Variants in TEC observed in about 807,000 individuals in gnomAD.
The protein encoded by TEC is tec protein tyrosine kinase.
A neutral mutation model predicts 93.0 loss-of-function variants in TEC; 72 were observed. That is an observed-to-expected ratio of 0.77 (90% confidence interval 0.64 to 0.94). The LOEUF is 0.94. Among genes scored for constraint, TEC ranks in the 40% least tolerant of loss-of-function variants. The probability of loss-of-function intolerance (pLI) is 0.00; values close to 1 mark genes in which losing one functional copy is unlikely to be tolerated. For missense variants in TEC, 630 were observed against 757.9 expected (o/e 0.83, Z 1.98); for synonymous variants, 249 against 247.7 (o/e 1.01, Z -0.05).
intron 2 of TEC, among the ~76,000 whole-genome samples, chr4:48,199,812 TA>T (rs1243079491): frequency 4.6e-5 from 7 of 152,090 alleles, no homozygotes; most frequent in African/African-American, 1.7e-4. Flanking sequence ...ACCATGGCAA[TA>T]TTACTAACTT....
rs903817337 is a variant in TEC, at chr4:48,136,431, C to T, written c.*985G>A. On this transcript the variant is annotated 3_prime_UTR_variant, in exon 18 of 18. Coordinates refer to ENST00000381501, the MANE Select transcript of TEC (RefSeq NM_003215.3). ...TGTGAGGTGGGGGCAAACTTTGTTG[C>T]GAAGGTCACCTGATCCTTCTGCCCC... 4.6e-5 allele frequency: 7 copies of T among 152,200 alleles called. No homozygotes were observed. The highest frequency in any genetic ancestry group is 1.4e-4 in the African/African-American group (6 of 41,414). 9.4% of individuals were successfully genotyped at this position (152,200 alleles called of 1,614,324 possible). A position where few individuals can be genotyped will look rare whatever the true frequency, so the allele number is the denominator to read the frequency against.
chr4:48,197,979 G>A (rs1166497749), intron 2 of TEC, among the ~76,000 whole-genome samples: 1 of 152,120 alleles, frequency 6.6e-6, no homozygotes, highest in African/African-American at 2.4e-5. Flanking sequence ...TATATATACT[G>A]CCAATTCCCA....
In TEC at chr4:48,168,055, A is replaced by G. The variant is rs1473025584; in HGVS notation, c.496-102T>C. 3.9e-6 allele frequency: 4 copies of G among 1,024,866 alleles called. No homozygotes were observed. The African/African-American group carries it at 6.4e-5, about 16-fold the overall frequency. The allele number at this position is 1,024,866 out of a possible 1,614,324, so 63.5% of individuals were successfully genotyped here. Reference sequence around the variant, plus strand: ...ATACATCACCACAGAATAAACTAGAAACTTCAAGTCTACTTACTATAATCC... The same window carrying G: ...ATACATCACCACAGAATAAACTAGAGACTTCAAGTCTACTTACTATAATCC... On this transcript the variant is annotated intron_variant, in intron 6 of 17. Coordinates refer to ENST00000381501, the MANE Select transcript of TEC (RefSeq NM_003215.3).
At chr4:48,243,698 T>C (rs935553217) in intron 1 of TEC, among the ~76,000 whole-genome samples, 2 of 152,142 alleles carry the variant, frequency 1.3e-5, no homozygotes, top group Non-Finnish European at 2.9e-5. Flanking sequence ...AGACCACAGA[T>C]GGTTACAAGC....
chr4:48,157,521 T>C (rs1469877626), intron 8 of TEC, among the ~76,000 whole-genome samples: 1 of 152,150 alleles, frequency 6.6e-6, no homozygotes, highest in Admixed American at 6.5e-5. Flanking sequence ...TCTGCACCGC[T>C]TCTTCTTTTT....
chr4:48,233,724 C>CA (rs1211076078), intron 1 of TEC, among the ~76,000 whole-genome samples: 2 of 145,792 alleles, frequency 1.4e-5, no homozygotes, highest in African/African-American at 2.5e-5. Flanking sequence ...GAAATAGAGC[C>CA]AAAAAAACAG....
chr4:48,187,446 A>G (rs1721928175), intron 2 of TEC, among the ~76,000 whole-genome samples: 1 of 152,060 alleles, frequency 6.6e-6, no homozygotes, highest in Admixed American at 6.5e-5. Flanking sequence ...AAAAAAAAAA[A>G]AAAAAGAAAT....
At chr4:48,261,178 T>C (rs1724488479) in intron 1 of TEC, among the ~76,000 whole-genome samples, 1 of 152,182 alleles carries the variant, frequency 6.6e-6, no homozygotes, top group Admixed American at 6.5e-5. Flanking sequence ...AATGCTTCTA[T>C]AACTGGTTTA....
chr4:48,206,084 C>T (rs1397610584), intron 2 of TEC, among the ~76,000 whole-genome samples: 2 of 152,138 alleles, frequency 1.3e-5, no homozygotes, highest in Admixed American at 6.5e-5. Flanking sequence ...ACAAAAGTAA[C>T]ATATTGTATG....
intron 1 of TEC, among the ~76,000 whole-genome samples, chr4:48,229,221 C>A (rs1169974329): frequency 6.6e-6 from 1 of 152,140 alleles, no homozygotes; most frequent in Non-Finnish European, 1.5e-5. Flanking sequence ...CTACCATGCT[C>A]CAGAGTTCTC....
At chr4:48,237,471 A>C (rs1023232348) in intron 1 of TEC, among the ~76,000 whole-genome samples, 1 of 152,174 alleles carries the variant, frequency 6.6e-6, no homozygotes, top group African/African-American at 2.4e-5. Flanking sequence ...AGACAAAAGA[A>C]AACAAAAGTG....
intron 1 of TEC, among the ~76,000 whole-genome samples, chr4:48,247,631 G>A (rs2109664459): frequency 6.6e-6 from 1 of 152,276 alleles, no homozygotes; most frequent in East Asian, 1.9e-4. Context: ...GATAAAAGAA[G>A]CCAGATAGAA....
chr4:48,262,868 G>C (rs1724533947), intron 1 of TEC, among the ~76,000 whole-genome samples: 1 of 152,180 alleles, frequency 6.6e-6, no homozygotes, highest in Admixed American at 6.5e-5. Context: ...CAGCACTCCT[G>C]TTTTCTGTAT....
intron 8 of TEC, among the ~76,000 whole-genome samples, chr4:48,158,519 T>C (rs1720490731): frequency 6.6e-6 from 1 of 152,142 alleles, no homozygotes; most frequent in South Asian, 2.1e-4. Flanking sequence ...ATTTGTCAAG[T>C]GCCAAAAACA....
chr4:48,209,697 A>G (rs1722833061), intron 2 of TEC, among the ~76,000 whole-genome samples: 1 of 152,254 alleles, frequency 6.6e-6, no homozygotes, highest in Non-Finnish European at 1.5e-5. Flanking sequence ...ACCTATTCAC[A>G]AGAGTAGCTA....
chr4:48,171,254 T>C (rs1721100111), intron 4 of TEC, 114 bp downstream of exon 4: 1 of 786,868 alleles, frequency 1.3e-6, no homozygotes, highest in Non-Finnish European at 2.0e-6. Flanking sequence ...AAACACTTAC[T>C]GTAGATTAAG....
At chr4:48,215,464 G>GCCACTGTACT (rs1335880414) in intron 2 of TEC, among the ~76,000 whole-genome samples, 1 of 152,192 alleles carries the variant, frequency 6.6e-6, no homozygotes, top group Non-Finnish European at 1.5e-5. Flanking sequence ...CTGGGATTGC[G>GCCACTGTACT]CCACTGTACT....
Position 48,145,238 on chromosome 4 carries a change from T to A in TEC, c.1311A>T (p.Pro437=). 1 of 1,614,156 alleles carries A rather than the reference T, an allele frequency of 6.2e-7. No individual in the cohort carries two copies. Among genetic ancestry groups the A allele is most frequent in the Non-Finnish European group, 8.5e-7 (1 of 1,180,018 alleles). ...CCATGAACTCAGTAACAATGTATAT[T>A]GGTTTCTGCTGGGTGCACACACCAT... ...QLYGVCTQQK[P]IYIVTEFMER... The change falls in exon 14 of 18, where the codon CCA becomes CCT. Residue 437 remains proline (P), a synonymous_variant. Coordinates refer to ENST00000381501, the MANE Select transcript of TEC (RefSeq NM_003215.3).
chr4:48,236,257 C>T (rs371599653), intron 1 of TEC, among the ~76,000 whole-genome samples: 1 of 151,936 alleles, frequency 6.6e-6, no homozygotes, highest in African/African-American at 2.4e-5. Flanking sequence ...CTCTCCTAGC[C>T]GTTACTAAGG....
Sources: allele counts gnomAD v4.1 joint callset (sites outside exome capture counted in the v4.1 genomes callset), GRCh38; gene constraint gnomAD v4.1.1; transcripts MANE v1.5; gene names NCBI Gene and HGNC (gene_info 2026-07-23, HGNC 2026-07-21).